The following KLHL29 variants were observed in gnomAD, a reference collection of about 807,000 sequenced individuals.
KLHL29 encodes the protein kelch-like protein 29.
KLHL29 carries 21 observed loss-of-function variants against 80.4 expected under a neutral mutation model. The observed-to-expected ratio is 0.26, with a 90% confidence interval of 0.19 to 0.38. The LOEUF is 0.38. KLHL29 is among the 10% of genes least tolerant of loss of function. The pLI is 1.00. For synonymous variants in KLHL29, 511 were observed against 526.8 expected, an observed-to-expected ratio of 0.97 and a Z score of 0.41; for missense variants, 867 against 1,223.9, an observed-to-expected ratio of 0.71 and a Z score of 4.35.
intron 1 of KLHL29, among the ~76,000 whole-genome samples, chr2:23,391,836 A>C (rs1041684486): frequency 6.6e-6 from 1 of 152,268 alleles, no homozygotes. Context: ...TAAAGAATGC[A>C]GTAGATGTTA....
Position 23,535,632 on chromosome 2 carries a change from T to C in KLHL29, c.-45-26520T>C, listed in dbSNP as rs574139836. The stretch of plus-strand genomic sequence containing the variant: ...ACATAGATGAACCTTGAAGACATTA[T>C]GCTAAATGAGATGAGCCAGACAAAG... On this transcript the variant is annotated intron_variant, in intron 2 of 13. Transcript: ENST00000486442. 4.6e-5 allele frequency among the ~76,000 whole-genome samples: 7 copies of C among 152,308 alleles called. No homozygotes were observed. The East Asian group carries it at 7.7e-4, about 17-fold the overall frequency.
chr2:23,409,260 C>T (rs1398431199), intron 1 of KLHL29, among the ~76,000 whole-genome samples: 1 of 152,128 alleles, frequency 6.6e-6, no homozygotes, highest in African/African-American at 2.4e-5. Context: ...AATATCTAGG[C>T]ACTTCACTCT....
At chr2:23,476,977 G>T (rs1191545813) in intron 2 of KLHL29, among the ~76,000 whole-genome samples, 1 of 152,286 alleles carries the variant, frequency 6.6e-6, no homozygotes, top group Non-Finnish European at 1.5e-5. Flanking sequence ...CTACTGAAGG[G>T]ACAGGAGCTG....
chr2:23,665,019 C>T (rs568076003), intron 5 of KLHL29, among the ~76,000 whole-genome samples: 23 of 152,252 alleles, frequency 1.5e-4, no homozygotes, highest in African/African-American at 2.2e-4. Flanking sequence ...GTGCTCTCCA[C>T]GGCCTGGGCC....
chr2:23,459,806 A>T (rs1472782431), intron 1 of KLHL29, among the ~76,000 whole-genome samples: 1 of 152,206 alleles, frequency 6.6e-6, no homozygotes, highest in Non-Finnish European at 1.5e-5. Context: ...CACAAGATAA[A>T]GAGTGGAAAC....
At position 23,604,890 on chromosome 2, in the gene KLHL29, G is replaced by A. The variant is rs978410569; in HGVS notation, c.286-34249G>A. ...CCCCCAGCTGTGGGCTGCAGCCAAG[G>A]CCAGGGAAGCAGTTGTCCCCTCAGC... On this transcript the variant is annotated intron_variant, in intron 3 of 13. Transcript: ENST00000486442. 2.6e-5 allele frequency among the ~76,000 whole-genome samples: 4 copies of A among 152,246 alleles called. 1 individual carries two copies. The East Asian group carries it at 5.8e-4, about 22-fold the overall frequency.
chr2:23,464,675 C>A (rs1664299862), intron 1 of KLHL29, among the ~76,000 whole-genome samples: 1 of 152,112 alleles, frequency 6.6e-6, no homozygotes, highest in Non-Finnish European at 1.5e-5. Flanking sequence ...CATCCAGGGG[C>A]CTCTCTGGAT....
At chr2:23,443,706 A>G (rs1202635138) in intron 1 of KLHL29, among the ~76,000 whole-genome samples, 2 of 152,346 alleles carry the variant, frequency 1.3e-5, no homozygotes, top group South Asian at 2.1e-4. Context: ...AAATGATACC[A>G]TGTCCTGCAT....
intron 1 of KLHL29, among the ~76,000 whole-genome samples, chr2:23,432,156 G>A (rs1663200151): frequency 6.6e-6 from 1 of 152,164 alleles, no homozygotes; most frequent in Admixed American, 6.5e-5. Context: ...GTACATGAAA[G>A]TATGCTTATG....
rs190746873 is a variant in KLHL29 at position 23,673,357 on chromosome 2, C to T, written c.941-11042C>T. Among the ~76,000 whole-genome samples, 454 of 151,620 alleles carry T rather than the reference C, an allele frequency of 3.0e-3. 3 individuals are homozygous for T. Among genetic ancestry groups the T allele is most frequent in the Middle Eastern group, 6.8e-3 (2 of 292 alleles). ...ATCCTCACACTTGCATACACACAGA[C>T]ACATACACAGGGTGCATGCACACGT... On this transcript the variant is annotated intron_variant, in intron 5 of 13. Coordinates refer to ENST00000486442, the MANE Select transcript of KLHL29 (RefSeq NM_052920.2).
intron 3 of KLHL29, among the ~76,000 whole-genome samples, chr2:23,571,394 C>T (rs990397523): frequency 3.3e-5 from 5 of 152,222 alleles, no homozygotes; most frequent in Admixed American, 6.5e-5. Flanking sequence ...ATTTGCCCAA[C>T]GTTCATTTTC....
rs1327567817 is a variant in KLHL29 at position 23,642,574 on chromosome 2, C to T, written c.664C>T (p.Pro222Ser). The T allele has an allele frequency of 6.5e-7, 1 of 1,549,494 alleles. No individual in the cohort carries two copies. The highest frequency in any genetic ancestry group is 1.2e-5 in the South Asian group (1 of 83,932). ...QPLSSVVVNM[P>S]AQALYASPQP... The stretch of plus-strand genomic sequence containing the variant: ...ACTGAGCAGCGTGGTGGTCAACATG[C>T]CTGCCCAGGCCCTGTATGCCAGCCC... The change falls in exon 5 of 14, where the codon CCT becomes TCT. Residue 222 changes from proline to serine, a missense_variant. Coordinates refer to ENST00000486442, the MANE Select transcript of KLHL29 (RefSeq NM_052920.2).
chr2:23,444,475 C>T (rs1663619219), intron 1 of KLHL29, among the ~76,000 whole-genome samples: 2 of 152,044 alleles, frequency 1.3e-5, no homozygotes, highest in Admixed American at 1.3e-4. Flanking sequence ...CAGGCGCCTG[C>T]CACCATGCCC....
intron 3 of KLHL29, among the ~76,000 whole-genome samples, chr2:23,582,495 C>G (rs143369405): frequency 0.013 from 2,034 of 152,160 alleles, 27 homozygotes; most frequent in Middle Eastern, 0.02. Context: ...TGTCAGGGGT[C>G]CCGGGGGCTT....
rs765723828 is a variant in KLHL29, at chr2:23,706,475, C to T, written c.2445-6C>T. The T allele has an allele frequency of 1.7e-5, 25 of 1,490,320 alleles. No homozygotes were observed. In the South Asian group the frequency reaches 3.2e-4, roughly 19 times the overall value. The allele number at this position is 1,490,320 out of a possible 1,614,324, so 92.3% of individuals were successfully genotyped here. A position where few individuals can be genotyped will look rare whatever the true frequency, so the allele number is the denominator to read the frequency against. On this transcript the variant is annotated splice_polypyrimidine_tract_variant and splice_region_variant and intron_variant, in intron 13 of 13. Coordinates refer to ENST00000486442, the MANE Select transcript of KLHL29 (RefSeq NM_052920.2). ...GCCTAACTCTGTCCCCGCTTTCCCC[C>T]AACAGTGCTGTGGTGCTTGATGGCA...
intron 1 of KLHL29, among the ~76,000 whole-genome samples, chr2:23,439,890 T>A (rs1259664657): frequency 6.6e-6 from 1 of 152,088 alleles, no homozygotes; most frequent in Non-Finnish European, 1.5e-5. Context: ...CTCATTGATC[T>A]GTCTAATGTT....
intron 11 of KLHL29, chr2:23,697,935 G>A (rs1179007878): frequency 2.6e-5 from 4 of 152,200 alleles, no homozygotes; most frequent in Admixed American, 6.5e-5. Flanking sequence ...AAACTGAACT[G>A]GATCCGTCAT....
chr2:23,464,980 ACAG>A (rs1365196380), intron 1 of KLHL29, among the ~76,000 whole-genome samples: 1 of 152,204 alleles, frequency 6.6e-6, no homozygotes, highest in Non-Finnish European at 1.5e-5. Flanking sequence ...AGATTCGTCA[ACAG>A]CAGCCCTTCC....
intron 2 of KLHL29, chr2:23,507,053 C>G (rs72848095): frequency 2.4e-6 from 1 of 413,066 alleles, no homozygotes. Context: ...AGACTGCAGC[C>G]GACCCTGGGG....
Sources: allele counts gnomAD v4.1 joint callset (sites outside exome capture counted in the v4.1 genomes callset), GRCh38; gene constraint gnomAD v4.1.1; transcripts MANE v1.5; gene names NCBI Gene and HGNC (gene_info 2026-07-23, HGNC 2026-07-21).